Variants in DNAH14 observed in about 807,000 individuals in gnomAD.
The protein encoded by DNAH14 is axonemal beta dynein heavy chain 14.
Under a neutral mutation model 520.9 loss-of-function variants are expected in DNAH14, and 478 were observed. The ratio of observed to expected loss-of-function variants is 0.92; its 90% CI spans 0.85 to 0.99. The LOEUF (loss-of-function observed/expected upper bound fraction) is 0.99, where lower values mean the gene tolerates loss of function less well. Among genes scored for constraint, DNAH14 ranks in the 50% least tolerant of loss-of-function variants. DNAH14 has a pLI of 0.00. For missense variants in DNAH14, 4,831 were observed against 5,234.5 expected (o/e 0.92, Z 2.38); for synonymous variants, 1,581 against 1,757.2 (o/e 0.90, Z 2.51).
At chr1:225,094,702 A>T (rs200127151) in intron 21 of DNAH14, among the ~76,000 whole-genome samples, 1 of 147,652 alleles carries the variant, frequency 6.8e-6, no homozygotes, top group East Asian at 2.0e-4. Context: ...AAACAAAAAA[A>T]CGCTATCAAC....
chr1:224,961,954 A>G (rs1227731206), intron 4 of DNAH14, among the ~76,000 whole-genome samples: 2 of 152,220 alleles, frequency 1.3e-5, no homozygotes, highest in African/African-American at 2.4e-5. Flanking sequence ...TGCTTCCCTC[A>G]TTTAGCTTCT....
chr1:225,265,630 GT>G (rs1391948791), intron 48 of DNAH14, among the ~76,000 whole-genome samples: 1 of 152,070 alleles, frequency 6.6e-6, no homozygotes, highest in African/African-American at 2.4e-5. Flanking sequence ...TGGAAAATGG[GT>G]TAGATGCCAA....
intron 17 of DNAH14, among the ~76,000 whole-genome samples, chr1:225,054,163 G>A (rs1174323522): frequency 6.6e-6 from 1 of 152,122 alleles, no homozygotes; most frequent in Non-Finnish European, 1.5e-5. Context: ...CCCTGGAGGG[G>A]TCAGAAGGTG....
chr1:224,942,984 G>A (rs1362455638), intron 1 of DNAH14, among the ~76,000 whole-genome samples: 1 of 152,116 alleles, frequency 6.6e-6, no homozygotes, highest in Non-Finnish European at 1.5e-5. Flanking sequence ...TTGTGTCTCT[G>A]CCAGGCTTTG....
chr1:225,019,929 A>G (rs2065527446), intron 10 of DNAH14, among the ~76,000 whole-genome samples: 1 of 152,152 alleles, frequency 6.6e-6, no homozygotes, highest in Non-Finnish European at 1.5e-5. Flanking sequence ...TTAAGACTCT[A>G]ATTATTGCAC....
At chr1:225,184,491 G>T (rs140150855) in intron 36 of DNAH14, among the ~76,000 whole-genome samples, 6 of 151,908 alleles carry the variant, frequency 3.9e-5, no homozygotes, top group Non-Finnish European at 8.8e-5. Context: ...GTGATGGCAC[G>T]CACCTGTAGT....
chr1:225,176,320 A>G (rs1192892376), intron 36 of DNAH14, among the ~76,000 whole-genome samples: 3 of 152,134 alleles, frequency 2.0e-5, no homozygotes, highest in Non-Finnish European at 2.9e-5. Context: ...AAGATACTTG[A>G]TTGGATTTCC....
intron 22 of DNAH14, among the ~76,000 whole-genome samples, chr1:225,098,202 G>GA (rs549695780): frequency 0.051 from 7,275 of 141,534 alleles, 235 homozygotes; most frequent in Non-Finnish European, 0.075. Context: ...ACTGTTTCAA[G>GA]AAAAAAAAAA....
At chr1:225,258,164 G>T (rs1476371867) in intron 45 of DNAH14, 46 bp downstream of exon 45, 2 of 1,412,064 alleles carry the variant, frequency 1.4e-6, no homozygotes, top group African/African-American at 3.0e-5. Flanking sequence ...GTTAGAAAAA[G>T]ATTTACAGAT....
At chr1:225,320,040 G>T (rs2094532439) in intron 61 of DNAH14, among the ~76,000 whole-genome samples, 1 of 152,168 alleles carries the variant, frequency 6.6e-6, no homozygotes, top group African/African-American at 2.4e-5. Flanking sequence ...TGTTCCAGAA[G>T]GTTCTATCCT....
At chr1:225,209,573 T>C (rs1230550915) in intron 41 of DNAH14, among the ~76,000 whole-genome samples, 1 of 152,006 alleles carries the variant, frequency 6.6e-6, no homozygotes, top group African/African-American at 2.4e-5. Context: ...ATACCTAAGA[T>C]TAAAGAACGA....
intron 81 of DNAH14, among the ~76,000 whole-genome samples, chr1:225,384,500 A>G (rs1040839378): frequency 1.1e-4 from 16 of 152,208 alleles, no homozygotes; most frequent in Non-Finnish European, 2.1e-4. Context: ...TAAAAAAGAA[A>G]AGAGAGAAGA....
intron 56 of DNAH14, 130 bp from the exon 57 acceptor site, chr1:225,303,026 A>C (rs2094169260): frequency 2.9e-6 from 2 of 682,608 alleles, no homozygotes; most frequent in African/African-American, 3.6e-5. Flanking sequence ...CACTCCATGC[A>C]CAAATGATCA....
intron 1 of DNAH14, among the ~76,000 whole-genome samples, chr1:224,943,895 G>A (rs1342594905): frequency 6.6e-6 from 1 of 152,144 alleles, no homozygotes; most frequent in Non-Finnish European, 1.5e-5. Context: ...TACATTTGCT[G>A]AGGAGAGCTT....
Position 225,333,376 on chromosome 1 carries a change from T to C in DNAH14, c.9950T>C (p.Val3317Ala), listed in dbSNP as rs542447006. Residue 3317 changes from valine (V) to alanine (A), a missense_variant, in exon 66 of 86, where the codon GTC (valine) becomes GCC (alanine). Transcript: ENST00000682510. Reference protein sequence around the residue: ...GDILLSAACIVYSGILTPEFR... With the variant: ...GDILLSAACIAYSGILTPEFR... ...ATACTTCTTTCAGCAGCGTGCATTGTCTACAGTGGAATTTTAACACCAGAA... is the reference window on the plus strand; with the variant it reads ...ATACTTCTTTCAGCAGCGTGCATTGCCTACAGTGGAATTTTAACACCAGAA... 1 of 1,551,790 alleles carries C rather than the reference T, an allele frequency of 6.4e-7. No homozygotes were observed. Among genetic ancestry groups the C allele is most frequent in the South Asian group, 1.2e-5 (1 of 84,054 alleles).
At chr1:225,336,918 G>T (rs1280669743) in intron 66 of DNAH14, among the ~76,000 whole-genome samples, 1 of 152,154 alleles carries the variant, frequency 6.6e-6, no homozygotes, top group Non-Finnish European at 1.5e-5. Flanking sequence ...TGTATATTTT[G>T]TATATTTGTA....
chr1:225,337,258 C>A lies in DNAH14; in HGVS notation c.10081-8C>A. The A allele has an allele frequency of 6.5e-7, 1 of 1,547,596 alleles. No individual in the cohort carries two copies. The highest frequency in any genetic ancestry group is 8.7e-7 in the Non-Finnish European group (1 of 1,143,264). ...AAAATAGTGAAAGTACTAATAATTT[C>A]ATTGCAGATCAGCCGATGGCATAAT... is the stretch of plus-strand genomic sequence containing the variant. On this transcript the variant is annotated splice_region_variant and splice_polypyrimidine_tract_variant and intron_variant, in intron 66 of 85. Coordinates refer to ENST00000682510, the MANE Select transcript of DNAH14 (RefSeq NM_001367479.1).
chr1:225,176,609 T>C (rs1419450962), intron 36 of DNAH14, among the ~76,000 whole-genome samples: 1 of 147,600 alleles, frequency 6.8e-6, no homozygotes, highest in Admixed American at 6.9e-5. Context: ...GAATTCCGTG[T>C]TGTGGGAGGT....
chr1:225,074,250 C>T (rs3102109), intron 17 of DNAH14, among the ~76,000 whole-genome samples: 120,999 of 151,804 alleles, frequency 0.8, 51,589 homozygotes, highest in Non-Finnish European at 0.96. Context: ...CCGCCTGCCT[C>T]GGCCTCCCAA....
Sources: gnomAD v4.1 joint callset for allele counts (sites outside exome capture counted in the v4.1 genomes callset) on GRCh38, gnomAD v4.1.1 for gene constraint, MANE v1.5 for transcripts, NCBI Gene and HGNC (gene_info 2026-07-23, HGNC 2026-07-21) for gene names.